Variants in IGSF10 observed in about 807,000 individuals in gnomAD.
IGSF10 encodes immunoglobulin superfamily member 10, also known as calvaria mechanical force protein 608.
Under a neutral mutation model 128.2 loss-of-function variants are expected in IGSF10, and 126 were observed. The observed-to-expected ratio is 0.98, with a 90% CI of 0.85 to 1.14. The LOEUF (loss-of-function observed/expected upper bound fraction) is 1.14, where lower values mean the gene tolerates loss of function less well. Ranked by LOEUF, IGSF10 falls within the 50% of genes most tolerant of loss-of-function variation. IGSF10 has a pLI of 0.00. For synonymous variants in IGSF10, 1,185 were observed against 1,146.2 expected (o/e 1.03, Z -0.68); for missense variants, 3,295 against 3,149.8 (o/e 1.05, Z -1.10).
chr3:151,609,209 G>A, the IGSF10 span, among the ~76,000 whole-genome samples: 1 of 152,198 alleles, frequency 6.6e-6, no homozygotes, highest in Non-Finnish European at 1.5e-5. Context: ...TGAGGTGGAA[G>A]AGAATTTGAC....
the IGSF10 span, among the ~76,000 whole-genome samples, chr3:151,532,477 C>G: frequency 5.8e-4 from 88 of 152,212 alleles, no homozygotes; most frequent in East Asian, 0.015. Flanking sequence ...AGCTTATCCA[C>G]CAAGATTAAG....
chr3:151,603,399 C>T, the IGSF10 span, among the ~76,000 whole-genome samples: 1 of 152,180 alleles, frequency 6.6e-6, no homozygotes, highest in South Asian at 2.1e-4. Flanking sequence ...GTCTGACATA[C>T]AAGAAGTGCT....
At chr3:151,581,709 G>C in the IGSF10 span, among the ~76,000 whole-genome samples, 1 of 152,190 alleles carries the variant, frequency 6.6e-6, no homozygotes, top group South Asian at 2.1e-4. Flanking sequence ...AGCCATTTAT[G>C]AATAAGTTTA....
chr3:151,601,700 T>A, the IGSF10 span, among the ~76,000 whole-genome samples: 1 of 150,208 alleles, frequency 6.7e-6, no homozygotes, highest in East Asian at 1.9e-4. Flanking sequence ...ATTCTTTCTG[T>A]CAATAAGTTG....
chr3:151,432,665 G>C (rs933813581), downstream of IGSF10: 1 of 935,952 alleles, frequency 1.1e-6, no homozygotes, highest in Non-Finnish European at 1.7e-6. Context: ...CCTGCAGCTG[G>C]TACTGAGAGC....
chr3:151,459,550 C>T (rs891854558), intron 2 of IGSF10, among the ~76,000 whole-genome samples: 1 of 152,194 alleles, frequency 6.6e-6, no homozygotes, highest in African/African-American at 2.4e-5. Context: ...AGGCATGATG[C>T]TGTCTGCTTT....
chr3:151,470,834 G>A, the IGSF10 span, among the ~76,000 whole-genome samples: 1 of 152,174 alleles, frequency 6.6e-6, no homozygotes, highest in African/African-American at 2.4e-5. Context: ...CACACGCTGT[G>A]TAAAGTCTAT....
chr3:151,518,425 T>C, the IGSF10 span, among the ~76,000 whole-genome samples: 1 of 151,974 alleles, frequency 6.6e-6, no homozygotes, highest in Non-Finnish European at 1.5e-5. Context: ...AATTAAACCA[T>C]TTTAAATTTA....
chr3:151,515,736 TG>T, the IGSF10 span, among the ~76,000 whole-genome samples: 2 of 149,286 alleles, frequency 1.3e-5, no homozygotes, highest in East Asian at 1.9e-4. Context: ...TGTGTGTGTG[TG>T]TGTGTGTGTG....
chr3:151,544,054 C>A, the IGSF10 span, among the ~76,000 whole-genome samples: 1 of 152,180 alleles, frequency 6.6e-6, no homozygotes, highest in Admixed American at 6.5e-5. Context: ...GGACTACAGG[C>A]ACATGCCACC....
chr3:151,454,580 T>A (rs1721685133), intron 4 of IGSF10, among the ~76,000 whole-genome samples: 1 of 77,410 alleles, frequency 1.3e-5, no homozygotes, highest in Admixed American at 1.4e-4. Flanking sequence ...TGAAAATTTT[T>A]ATAAGGTTTT....
the IGSF10 span, among the ~76,000 whole-genome samples, chr3:151,613,753 A>G: frequency 1.3e-5 from 2 of 152,350 alleles, no homozygotes; most frequent in South Asian, 2.1e-4. Context: ...ACCATTCAGG[A>G]CATAGGCATG....
the IGSF10 span, among the ~76,000 whole-genome samples, chr3:151,482,231 C>A: frequency 6.6e-6 from 1 of 151,974 alleles, no homozygotes; most frequent in East Asian, 1.9e-4. Flanking sequence ...AAAAGAAATT[C>A]AAAAATTCAA....
chr3:151,511,857 G>A, the IGSF10 span, among the ~76,000 whole-genome samples: 1 of 152,122 alleles, frequency 6.6e-6, no homozygotes, highest in Non-Finnish European at 1.5e-5. Flanking sequence ...AAGATCAAAA[G>A]AGACAAAGAA....
intron 7 of IGSF10, among the ~76,000 whole-genome samples, chr3:151,441,939 TG>T (rs1203645695): frequency 6.6e-6 from 1 of 152,156 alleles, no homozygotes; most frequent in African/African-American, 2.4e-5. Context: ...CGGGTGCCTG[TG>T]GTCCCAGCTA....
chr3:151,475,199 A>T, the IGSF10 span, among the ~76,000 whole-genome samples: 9 of 152,330 alleles, frequency 5.9e-5, no homozygotes, highest in African/African-American at 1.9e-4. Context: ...TGGAAAAAAG[A>T]TGTGACTTGT....
chr3:151,615,129 T>G, the IGSF10 span, among the ~76,000 whole-genome samples: 1 of 150,294 alleles, frequency 6.7e-6, no homozygotes. Context: ...GAAACCTCTA[T>G]TTTGGGTCAG....
downstream of IGSF10, chr3:151,435,671 A>G (rs532287916): frequency 6.6e-5 from 10 of 152,272 alleles, no homozygotes; most frequent in Non-Finnish European, 1.0e-4. Context: ...GAGAAATTAC[A>G]CTGGAAAACC....
Position 151,437,783 on chromosome 3 carries a change from CAA to C in IGSF10, c.6776_6777del (p.Phe2259Ter). 3.7e-6 allele frequency: 6 copies of C among 1,613,826 alleles called. No individual in the cohort carries two copies. Among genetic ancestry groups the C allele is most frequent in the Admixed American group, 1.7e-5 (1 of 60,022 alleles). ...GATGGTGTCCCTTCAGCTCTGCAGTCAAAGTGTTTTTTGGAATGTCTCACAGC... is the reference window on the plus strand; with the variant it reads ...GATGGTGTCCCTTCAGCTCTGCAGTCAGTGTTTTTTGGAATGTCTCACAGC... ...ATAVRHSKKHFDCRAEGTPSP... is the reference protein window; with the variant it reads ...ATAVRHSKKHXDCRAEGTPSP... On this transcript the variant is annotated frameshift_variant, in exon 8 of 8. Transcript: ENST00000282466. LOFTEE classifies it low-confidence loss of function (END_TRUNC).
Sources: allele counts gnomAD v4.1 joint callset (sites outside exome capture counted in the v4.1 genomes callset), GRCh38; gene constraint gnomAD v4.1.1; transcripts MANE v1.5; gene names NCBI Gene and HGNC (gene_info 2026-07-23, HGNC 2026-07-21).